The following SH3TC2 variants were observed in gnomAD, a reference collection of about 807,000 sequenced individuals.
The protein encoded by SH3TC2 is SH3 domain and tetratricopeptide repeats 2, also known as SH3 domain and tetratricopeptide repeat-containing protein 2.
SH3TC2 carries 87 observed loss-of-function variants against 124.5 expected under a neutral mutation model. The observed-to-expected ratio is 0.70, with a 90% CI of 0.59 to 0.84. SH3TC2 has a LOEUF of 0.84. SH3TC2 is among the 40% of genes least tolerant of loss of function. The pLI, the probability that SH3TC2 is intolerant of heterozygous loss-of-function variation, is 0.00. For synonymous variants in SH3TC2, 634 were observed against 628.5 expected, an observed-to-expected ratio of 1.01 and a Z score of -0.13; for missense variants, 1,536 against 1,566.4, an observed-to-expected ratio of 0.98 and a Z score of 0.33.
Position 149,036,838 on chromosome 5 carries a change from C to T in SH3TC2, c.1001+1457G>A, listed in dbSNP as rs1754290726. On this transcript the variant is annotated intron_variant, in intron 8 of 16. Coordinates refer to ENST00000515425, the MANE Select transcript of SH3TC2 (RefSeq NM_024577.4). ...ACAGGTGTCCATATTTGTAAAGCTC[C>T]TGGAATCTTTGACTTCCTGTCCATT... Among the ~76,000 whole-genome samples the T allele has an allele frequency of 2.0e-5, 3 of 152,282 alleles. 1 individual carries two copies. The South Asian group carries it at 6.2e-4, about 32-fold the overall frequency.
intron 1 of SH3TC2, among the ~76,000 whole-genome samples, chr5:149,060,300 A>G (rs979794034): frequency 7.9e-5 from 12 of 152,232 alleles, no homozygotes; most frequent in African/African-American, 2.9e-4. Flanking sequence ...ATGGCAAGAA[A>G]CAACTCATAG....
rs1420782989 is a variant in SH3TC2 at position 148,994,707 on chromosome 5, G to GATGGATGGAATGT, written c.*10003_*10004insACATTCCATCCAT. ...GAATGGATGGATGGAAGGATGGATG[G>GATGGATGGAATGT]ATGGATGGATGGATGGATGGATGGA... On this transcript the variant is annotated 3_prime_UTR_variant, in exon 17 of 17. Transcript: ENST00000515425. Among the ~76,000 whole-genome samples the GATGGATGGAATGT allele has an allele frequency of 1.1e-4, 17 of 151,286 alleles. No individual in the cohort carries two copies. Among genetic ancestry groups the GATGGATGGAATGT allele is most frequent in the Non-Finnish European group, 1.6e-4 (11 of 67,852 alleles).
intron 7 of SH3TC2, among the ~76,000 whole-genome samples, chr5:149,038,738 C>T (rs1393540123): frequency 6.6e-6 from 1 of 152,120 alleles, no homozygotes; most frequent in East Asian, 1.9e-4. Flanking sequence ...AATGTTTTAA[C>T]AAACACAAAA....
At chr5:149,061,356 T>C (rs552948816) in intron 1 of SH3TC2, among the ~76,000 whole-genome samples, 1 of 152,182 alleles carries the variant, frequency 6.6e-6, no homozygotes, top group African/African-American at 2.4e-5. Flanking sequence ...CAGAGCTCTC[T>C]GAGGCACCTC....
chr5:149,043,312 C>T (rs879355714), intron 4 of SH3TC2, among the ~76,000 whole-genome samples: 1 of 152,148 alleles, frequency 6.6e-6, no homozygotes, highest in Non-Finnish European at 1.5e-5. Context: ...TTCCACCCAC[C>T]AGCTCTGACC....
Position 148,992,965 on chromosome 5 carries a change from T to A in SH3TC2, c.*11746A>T, listed in dbSNP as rs1425438652. ...TCTCATCATTTCCTTGAAGTTTGTA[T>A]CATTGATAGTTACCTCTGATCTGCC... On this transcript the variant is annotated 3_prime_UTR_variant, in exon 17 of 17. Transcript: ENST00000515425. Among the ~76,000 whole-genome samples, 2 of 152,196 alleles carry A rather than the reference T, an allele frequency of 1.3e-5. No individual in the cohort carries two copies. The highest frequency in any genetic ancestry group is 4.8e-5 in the African/African-American group (2 of 41,446).
chr5:149,057,847 C>T (rs1189684468), intron 1 of SH3TC2, among the ~76,000 whole-genome samples: 1 of 152,200 alleles, frequency 6.6e-6, no homozygotes, highest in African/African-American at 2.4e-5. Context: ...CTCCCTAGCT[C>T]CAAAAGTGAG....
At chr5:149,012,474 T>G (rs1044220687) in intron 13 of SH3TC2, 110 bp downstream of exon 13, 1 of 1,379,878 alleles carries the variant, frequency 7.2e-7, no homozygotes, top group African/African-American at 1.4e-5. Flanking sequence ...TCCACAGGCT[T>G]AGGGTGAACA....
In SH3TC2 at chr5:148,992,635, G is replaced by A. The variant is rs893128786; in HGVS notation, c.*12076C>T. 8.1e-6 allele frequency among the ~76,000 whole-genome samples: 1 copy of A among 122,898 alleles called. No individual in the cohort carries two copies. Among genetic ancestry groups the A allele is most frequent in the East Asian group, 2.7e-4 (1 of 3,694 alleles). 80.6% of individuals were successfully genotyped at this position (122,898 alleles called of 152,430 possible). ...TTTTTTTTTTTTTCAGATTTTCGAA[G>A]GGGTCTATGAACTTTTAGGGCAATC... is the stretch of plus-strand genomic sequence containing the variant. On this transcript the variant is annotated 3_prime_UTR_variant, in exon 17 of 17. Transcript: ENST00000515425.
intron 13 of SH3TC2, among the ~76,000 whole-genome samples, chr5:149,011,992 G>T (rs1392435881): frequency 6.6e-6 from 1 of 152,098 alleles, no homozygotes. Context: ...TATGCTAAAA[G>T]ATAGAGTTCA....
At chr5:149,034,039 C>CA (rs1332092381) in intron 8 of SH3TC2, among the ~76,000 whole-genome samples, 1 of 151,586 alleles carries the variant, frequency 6.6e-6, no homozygotes, top group Non-Finnish European at 1.5e-5. Context: ...ATTAACACTA[C>CA]AAAAAACTAG....
Position 148,990,395 on chromosome 5 carries a change from G to A in SH3TC2, c.*14316C>T, listed in dbSNP as rs992706954. Among the ~76,000 whole-genome samples the A allele has an allele frequency of 2.0e-5, 3 of 152,126 alleles. No homozygotes were observed. Among genetic ancestry groups the A allele is most frequent in the Non-Finnish European group, 2.9e-5 (2 of 68,028 alleles). On this transcript the variant is annotated 3_prime_UTR_variant, in exon 17 of 17. Transcript: ENST00000515425. ...CAACAAACACACATACCCACACAAT[G>A]TTGTGCTGCCAAGTGGTTCACAGGA...
chr5:149,008,126 T>A (rs917495858), intron 15 of SH3TC2: 1 of 153,620 alleles, frequency 6.5e-6, no homozygotes, highest in Non-Finnish European at 1.4e-5. Flanking sequence ...CCACACCCGA[T>A]GCCCTTGAAA....
In SH3TC2 at chr5:148,993,031, G is replaced by A. The variant is rs893213252; in HGVS notation, c.*11680C>T. ...TGTGAATGAAAACTTAGCCCACAGC[G>A]TTTCATTTAGATCTGGTCTGGGCTG... On this transcript the variant is annotated 3_prime_UTR_variant, in exon 17 of 17. Transcript: ENST00000515425. Among the ~76,000 whole-genome samples the A allele has an allele frequency of 7.2e-5, 11 of 152,258 alleles. No individual in the cohort carries two copies. Among genetic ancestry groups the A allele is most frequent in the Middle Eastern group, 3.4e-3 (1 of 294 alleles).
Position 149,004,515 on chromosome 5 carries a change from A to G in SH3TC2, c.*196T>C. ...CCAGATGCAAAGCCTGGAACCAGGA[A>G]TTCTCATCGCTGCACCATCAAATCT... On this transcript the variant is annotated 3_prime_UTR_variant, in exon 17 of 17. Transcript: ENST00000515425. 1.6e-6 allele frequency: 1 copy of G among 623,102 alleles called. No individual in the cohort carries two copies. Among genetic ancestry groups the G allele is most frequent in the East Asian group, 2.8e-5 (1 of 35,738 alleles). 38.6% of individuals were successfully genotyped at this position (623,102 alleles called of 1,614,324 possible).
chr5:149,016,785 C>T (rs1753880745), intron 12 of SH3TC2, among the ~76,000 whole-genome samples: 2 of 151,812 alleles, frequency 1.3e-5, no homozygotes, highest in Non-Finnish European at 2.9e-5. Flanking sequence ...ATTAGCCGGG[C>T]GTGGTGGCGG....
At chr5:149,033,815 G>T (rs996496070) in intron 8 of SH3TC2, among the ~76,000 whole-genome samples, 35 of 152,164 alleles carry the variant, frequency 2.3e-4, no homozygotes, top group Non-Finnish European at 5.9e-5. Flanking sequence ...CACGATCCAA[G>T]AATTAATAGT....
chr5:149,059,969 T>C (rs1459840998), intron 1 of SH3TC2, among the ~76,000 whole-genome samples: 1 of 152,242 alleles, frequency 6.6e-6, no homozygotes, highest in Non-Finnish European at 1.5e-5. Context: ...TCCTCTATTA[T>C]CAGTAGTTTT....
chr5:149,047,529 A>G (rs1011607457), intron 3 of SH3TC2: 8 of 321,102 alleles, frequency 2.5e-5, no homozygotes, highest in South Asian at 2.3e-4. Context: ...AAATTACCGC[A>G]TTAGAAAAAA....
Sources: allele counts gnomAD v4.1 joint callset (sites outside exome capture counted in the v4.1 genomes callset), GRCh38; gene constraint gnomAD v4.1.1; transcripts MANE v1.5; gene names NCBI Gene and HGNC (gene_info 2026-07-23, HGNC 2026-07-21).